The following JARID2 variants were observed in gnomAD, a reference collection of about 807,000 sequenced individuals.
JARID2 encodes the protein jumonji and AT-rich interaction domain containing 2.
A neutral mutation model predicts 125.6 loss-of-function variants in JARID2; 21 were observed. That is an observed-to-expected ratio of 0.17 (90% CI 0.12 to 0.24). JARID2 has a LOEUF of 0.24. JARID2 is among the 10% of genes least tolerant of loss of function. JARID2 has a pLI of 1.00. For synonymous variants in JARID2, 736 were observed against 661.6 expected, an observed-to-expected ratio of 1.11 and a Z score of -1.73; for missense variants, 1,303 against 1,639.6, an observed-to-expected ratio of 0.79 and a Z score of 3.55.
intron 3 of JARID2, among the ~76,000 whole-genome samples, chr6:15,434,370 A>T (rs1767112494): frequency 2.0e-5 from 3 of 152,154 alleles, no homozygotes; most frequent in Non-Finnish European, 2.9e-5. Context: ...TGTTGCACAT[A>T]GATAGATTAC....
intron 1 of JARID2, among the ~76,000 whole-genome samples, chr6:15,284,980 G>T (rs1306230529): frequency 6.6e-6 from 1 of 151,892 alleles, no homozygotes; most frequent in African/African-American, 2.4e-5. Context: ...TGCAGTCACT[G>T]CTTGCTCTCA....
chr6:15,518,383 G>A (rs1293784867), intron 17 of JARID2, among the ~76,000 whole-genome samples: 3 of 152,166 alleles, frequency 2.0e-5, no homozygotes, highest in Non-Finnish European at 4.4e-5. Context: ...CCTAATGGTT[G>A]GTTTTGATGA....
intron 3 of JARID2, among the ~76,000 whole-genome samples, chr6:15,435,011 G>C (rs992820805): frequency 6.6e-6 from 1 of 152,188 alleles, no homozygotes; most frequent in Admixed American, 6.5e-5. Flanking sequence ...TCAAATGTTA[G>C]TTTCAATGTT....
intron 1 of JARID2, among the ~76,000 whole-genome samples, chr6:15,293,707 A>T (rs1252809845): frequency 2.0e-5 from 3 of 152,314 alleles, no homozygotes; most frequent in Non-Finnish European, 4.4e-5. Flanking sequence ...GAAGATGAAG[A>T]GTCCTCACAG....
chr6:15,409,551 C>T (rs1159444445), intron 2 of JARID2, among the ~76,000 whole-genome samples: 1 of 152,156 alleles, frequency 6.6e-6, no homozygotes, highest in Admixed American at 6.5e-5. Context: ...TACACAGCTG[C>T]TTTTTAGAGC....
intron 1 of JARID2, among the ~76,000 whole-genome samples, chr6:15,247,214 A>G (rs2127279213): frequency 6.6e-6 from 1 of 152,294 alleles, no homozygotes; most frequent in Admixed American, 6.5e-5. Flanking sequence ...GTTGTAGGGG[A>G]AAAGGACACA....
At position 15,415,571 on chromosome 6, in the gene JARID2, C is replaced by T. The variant is rs565696360; in HGVS notation, c.323+5206C>T. Among the ~76,000 whole-genome samples the T allele has an allele frequency of 2.7e-4, 40 of 146,746 alleles. 1 individual carries two copies. The highest frequency in any genetic ancestry group is 3.7e-3 in the Middle Eastern group (1 of 272). Reference sequence around the variant, plus strand: ...GCAGAGGCGCCCCTCACCTCCCGGACGGGGCTGCTGGCCGGGCGGGGGGCT... The same window carrying T: ...GCAGAGGCGCCCCTCACCTCCCGGATGGGGCTGCTGGCCGGGCGGGGGGCT... On this transcript the variant is annotated intron_variant, in intron 3 of 17. Coordinates refer to ENST00000341776, the MANE Select transcript of JARID2 (RefSeq NM_004973.4).
At chr6:15,337,174 C>G (rs1762906566) in intron 1 of JARID2, among the ~76,000 whole-genome samples, 1 of 152,156 alleles carries the variant, frequency 6.6e-6, no homozygotes, top group South Asian at 2.1e-4. Flanking sequence ...AACTGCCGAT[C>G]AAAACCCCCA....
intron 1 of JARID2, among the ~76,000 whole-genome samples, chr6:15,263,040 TG>T (rs1224890218): frequency 6.6e-6 from 1 of 151,980 alleles, no homozygotes; most frequent in Non-Finnish European, 1.5e-5. Flanking sequence ...CCTCCCCTTC[TG>T]GGGCTCTAGC....
chr6:15,445,104 A>G (rs1767616856), intron 3 of JARID2, among the ~76,000 whole-genome samples: 1 of 152,230 alleles, frequency 6.6e-6, no homozygotes, highest in South Asian at 2.1e-4. Context: ...ACAGATAGCA[A>G]TAAGCTGGTT....
At chr6:15,357,059 T>C (rs901474398) in intron 1 of JARID2, among the ~76,000 whole-genome samples, 2 of 152,178 alleles carry the variant, frequency 1.3e-5, no homozygotes, top group Non-Finnish European at 2.9e-5. Context: ...GTTTCACAGT[T>C]ACTTGGCTAT....
chr6:15,427,986 G>C (rs915848424), intron 3 of JARID2, among the ~76,000 whole-genome samples: 8 of 151,952 alleles, frequency 5.3e-5, no homozygotes, highest in African/African-American at 1.9e-4. Context: ...GATGAGAATT[G>C]AATGTTTCTT....
Position 15,496,735 on chromosome 6 carries a change from GCCGGGAAGA to G in JARID2, c.1511_1519del (p.Ala504_Ser507delinsGly). On this transcript the variant is annotated inframe_deletion, in exon 7 of 18. Coordinates refer to ENST00000341776, the MANE Select transcript of JARID2 (RefSeq NM_004973.4). ...GAGGAATCGGCCGAAGCGGGCCACGGCCGGGAAGAGCACGCCAGGCAGACAAGCACATGG... is the reference window on the plus strand; with the variant it reads ...GAGGAATCGGCCGAAGCGGGCCACGGGCACGCCAGGCAGACAAGCACATGG... 6.2e-7 allele frequency: 1 copy of G among 1,613,738 alleles called. No individual in the cohort carries two copies. Among genetic ancestry groups the G allele is most frequent in the Non-Finnish European group, 8.5e-7 (1 of 1,179,978 alleles).
At chr6:15,507,086 T>C in intron 9 of JARID2, 50 bp from the exon 10 acceptor site, 2 of 1,184,656 alleles carry the variant, frequency 1.7e-6, no homozygotes, top group Non-Finnish European at 2.5e-6. Flanking sequence ...CTGTGCTCTG[T>C]GGCTGCAGCA....
At chr6:15,417,706 C>T (rs1247124450) in intron 3 of JARID2, among the ~76,000 whole-genome samples, 4 of 152,054 alleles carry the variant, frequency 2.6e-5, no homozygotes, top group Non-Finnish European at 5.9e-5. Flanking sequence ...CGTGCCATCA[C>T]ACTCCATCCT....
intron 1 of JARID2, among the ~76,000 whole-genome samples, chr6:15,260,100 A>G (rs887086045): frequency 1.3e-5 from 2 of 152,238 alleles, no homozygotes; most frequent in African/African-American, 4.8e-5. Flanking sequence ...TTAAAGATGC[A>G]TGAAAGTAAT....
intron 4 of JARID2, among the ~76,000 whole-genome samples, chr6:15,461,526 C>G (rs1768448849): frequency 1.3e-5 from 2 of 152,220 alleles, no homozygotes; most frequent in East Asian, 1.9e-4. Flanking sequence ...TAACAAAGAC[C>G]AAAGGTTCAG....
intron 1 of JARID2, among the ~76,000 whole-genome samples, chr6:15,257,206 A>G (rs189880267): frequency 6.6e-6 from 1 of 152,132 alleles, no homozygotes; most frequent in Non-Finnish European, 1.5e-5. Flanking sequence ...ATTCATTTTC[A>G]TGGAAAAATA....
chr6:15,274,373 A>G (rs1341703583), intron 1 of JARID2, among the ~76,000 whole-genome samples: 1 of 152,166 alleles, frequency 6.6e-6, no homozygotes, highest in Non-Finnish European at 1.5e-5. Flanking sequence ...GTGCATTTTT[A>G]TCTGCTAGAG....
Sources: allele counts gnomAD v4.1 joint callset (sites outside exome capture counted in the v4.1 genomes callset), GRCh38; gene constraint gnomAD v4.1.1; transcripts MANE v1.5; gene names NCBI Gene and HGNC (gene_info 2026-07-23, HGNC 2026-07-21).